PPP1R12B: variants seen among roughly 807,000 people sequenced by gnomAD.
PPP1R12B encodes the protein myosin phosphatase target subunit 2.
In PPP1R12B, 76 loss-of-function variants were observed where a neutral mutation model predicts 126.1. That is an observed-to-expected ratio of 0.60 (90% CI 0.50 to 0.73). The LOEUF (loss-of-function observed/expected upper bound fraction) is 0.73. Ranked by LOEUF, PPP1R12B falls within the 30% of genes least tolerant of loss-of-function variation. The pLI is 0.00. For missense variants in PPP1R12B, 1,052 were observed against 1,205.1 expected, an observed-to-expected ratio of 0.87 and a Z score of 1.88; for synonymous variants, 356 against 434.7, an observed-to-expected ratio of 0.82 and a Z score of 2.25.
intron 4 of PPP1R12B, among the ~76,000 whole-genome samples, 153 bp from the exon 5 acceptor site, chr1:202,426,887 A>G (rs1183538877): frequency 1.5e-4 from 23 of 152,230 alleles, no homozygotes; most frequent in Admixed American, 4.6e-4. Flanking sequence ...GTAGTTAACT[A>G]TGAAACCCAA....
intron 18 of PPP1R12B, among the ~76,000 whole-genome samples, chr1:202,514,466 G>A (rs1478695738): frequency 2.6e-5 from 4 of 152,032 alleles, no homozygotes; most frequent in East Asian, 1.9e-4. Context: ...CTTTTGTTGC[G>A]ATTGCTTTTG....
Position 202,425,681 on chromosome 1 carries a change from A to G in PPP1R12B, c.657A>G (p.Thr219=), listed in dbSNP as rs1669410815. The G allele has an allele frequency of 6.2e-7, 1 of 1,613,836 alleles. No individual in the cohort carries two copies. Among genetic ancestry groups the G allele is most frequent in the African/African-American group, 1.3e-5 (1 of 74,920 alleles). The part of the protein sequence containing the change: ...EDVRQARSGA[T]ALHVAAAKGY... ...TGAGGCAGGCTCGCTCAGGGGCTAC[A>G]GCCCTTCATGTGGCTGCTGCCAAGG... The change falls in exon 4 of 24, where the codon ACA becomes ACG. Residue 219 remains threonine, a synonymous_variant. Coordinates refer to ENST00000608999, the MANE Select transcript of PPP1R12B (RefSeq NM_002481.4).
intron 1 of PPP1R12B, among the ~76,000 whole-genome samples, chr1:202,396,884 C>T (rs1247790119): frequency 1.3e-5 from 2 of 152,188 alleles, no homozygotes; most frequent in South Asian, 2.1e-4. Flanking sequence ...TTCCTTCCCT[C>T]CTATTGCAGT....
intron 1 of PPP1R12B, among the ~76,000 whole-genome samples, chr1:202,365,071 G>GC: frequency 6.6e-6 from 1 of 151,978 alleles, no homozygotes; most frequent in East Asian, 1.9e-4. Flanking sequence ...ATATTAATTG[G>GC]TTTTTTTTCC....
intron 23 of PPP1R12B, among the ~76,000 whole-genome samples, chr1:202,579,342 G>T (rs1307723741): frequency 6.6e-6 from 1 of 152,172 alleles, no homozygotes; most frequent in South Asian, 2.1e-4. Flanking sequence ...CTTTACTGGG[G>T]GCATTACCTG....
At chr1:202,433,464 A>G (rs887462011) in intron 8 of PPP1R12B, among the ~76,000 whole-genome samples, 2 of 152,136 alleles carry the variant, frequency 1.3e-5, no homozygotes, top group Non-Finnish European at 2.9e-5. Flanking sequence ...CCCTCACTCT[A>G]TCTTTGCCTA....
chr1:202,388,353 T>A (rs529519931), intron 1 of PPP1R12B, among the ~76,000 whole-genome samples: 11 of 151,924 alleles, frequency 7.2e-5, no homozygotes, highest in Non-Finnish European at 1.3e-4. Flanking sequence ...ATTTTTGTAT[T>A]TTAGTAGAGA....
rs1339552836 is a variant in PPP1R12B at position 202,451,865 on chromosome 1, C to T, written c.1850+2694C>T. 2.6e-5 allele frequency among the ~76,000 whole-genome samples: 4 copies of T among 152,102 alleles called. No individual in the cohort carries two copies. In the South Asian group the frequency reaches 6.2e-4, roughly 24 times the overall value. Reference sequence around the variant, plus strand: ...TGGGGGCTGACCCCCACCTCCCTTCCGGACGGGGTGGCTGCTGGGTGGAGA... The same window carrying T: ...TGGGGGCTGACCCCCACCTCCCTTCTGGACGGGGTGGCTGCTGGGTGGAGA... On this transcript the variant is annotated intron_variant, in intron 13 of 23. Transcript: ENST00000608999.
chr1:202,438,083 CAA>C (rs781123850), intron 10 of PPP1R12B, 59 bp downstream of exon 10: 1 of 1,602,820 alleles, frequency 6.2e-7, no homozygotes, highest in Non-Finnish European at 8.5e-7. Context: ...CATGAAAATT[CAA>C]TCTTAGGAAC....
At chr1:202,545,308 T>C (rs1273688901) in intron 18 of PPP1R12B, among the ~76,000 whole-genome samples, 3 of 152,232 alleles carry the variant, frequency 2.0e-5, no homozygotes, top group Non-Finnish European at 4.4e-5. Flanking sequence ...AAAGTAGCTT[T>C]CCCATTTGGA....
At chr1:202,452,333 C>T (rs1239058559) in intron 13 of PPP1R12B, among the ~76,000 whole-genome samples, 10 of 152,192 alleles carry the variant, frequency 6.6e-5, no homozygotes, top group African/African-American at 2.2e-4. Flanking sequence ...GGATCACTCG[C>T]GGTTAGGAGC....
At chr1:202,499,717 A>G (rs1679992363) in intron 18 of PPP1R12B, among the ~76,000 whole-genome samples, 1 of 152,268 alleles carries the variant, frequency 6.6e-6, no homozygotes, top group Non-Finnish European at 1.5e-5. Flanking sequence ...CTTGTATAGC[A>G]GTGACAACAA....
At chr1:202,455,881 G>A (rs1673562618) in intron 13 of PPP1R12B, among the ~76,000 whole-genome samples, 1 of 152,198 alleles carries the variant, frequency 6.6e-6, no homozygotes, top group Non-Finnish European at 1.5e-5. Context: ...AAGAATGGGT[G>A]TGAGATGACC....
intron 1 of PPP1R12B, among the ~76,000 whole-genome samples, chr1:202,372,001 A>G (rs1222164168): frequency 6.6e-6 from 1 of 150,912 alleles, no homozygotes; most frequent in Admixed American, 6.6e-5. Flanking sequence ...CCTCCCGAGT[A>G]GCTGGGATTA....
At chr1:202,569,950 G>A (rs1462921158) in intron 23 of PPP1R12B, among the ~76,000 whole-genome samples, 1 of 152,178 alleles carries the variant, frequency 6.6e-6, no homozygotes, top group African/African-American at 2.4e-5. Context: ...GGCAGGGGGA[G>A]GGGAGGAGGG....
At chr1:202,523,087 T>C (rs1376988401) in intron 18 of PPP1R12B, among the ~76,000 whole-genome samples, 1 of 152,208 alleles carries the variant, frequency 6.6e-6, no homozygotes, top group Non-Finnish European at 1.5e-5. Flanking sequence ...GGCGTGTGTA[T>C]TGTGACCATG....
intron 18 of PPP1R12B, among the ~76,000 whole-genome samples, chr1:202,555,273 A>G (rs1355976592): frequency 7.1e-6 from 1 of 139,982 alleles, no homozygotes; most frequent in East Asian, 2.2e-4. Context: ...TTTGATTTAT[A>G]GATAATGGCT....
In PPP1R12B at chr1:202,482,076, C is replaced by CT. The variant is rs201813117; in HGVS notation, c.1851-6448dup. The stretch of plus-strand genomic sequence containing the variant: ...TTGTTGCAAATGACAAGATTTTATT[C>CT]TTTTTTTTTAATGGATGGATACTGT... On this transcript the variant is annotated intron_variant, in intron 13 of 23. Coordinates refer to ENST00000608999, the MANE Select transcript of PPP1R12B (RefSeq NM_002481.4). Among the ~76,000 whole-genome samples the CT allele has an allele frequency of 3.3e-3, 491 of 150,420 alleles. 3 individuals are homozygous for CT. Among genetic ancestry groups the CT allele is most frequent in the African/African-American group, 0.011 (471 of 41,024 alleles).
At chr1:202,462,702 T>C in intron 13 of PPP1R12B, 1 of 930,196 alleles carries the variant, frequency 1.1e-6, no homozygotes, top group Non-Finnish European at 1.3e-6. Context: ...CAACCCTCCC[T>C]TGTTTTTTAT....
Sources: gnomAD v4.1 joint callset for allele counts (sites outside exome capture counted in the v4.1 genomes callset) on GRCh38, gnomAD v4.1.1 for gene constraint, MANE v1.5 for transcripts, NCBI Gene and HGNC (gene_info 2026-07-23, HGNC 2026-07-21) for gene names.